The following UTRN variants were observed in gnomAD, a reference collection of about 807,000 sequenced individuals.
UTRN encodes dystrophin-related protein 1.
A neutral mutation model predicts 463.9 loss-of-function variants in UTRN; 283 were observed. The ratio of observed to expected loss-of-function variants is 0.61; its 90% CI spans 0.55 to 0.67. The LOEUF (loss-of-function observed/expected upper bound fraction) is 0.67, where lower values mean the gene tolerates loss of function less well. Ranked by LOEUF, UTRN falls within the 30% of genes least tolerant of loss-of-function variation. The pLI is 0.00. For missense variants in UTRN, 3,922 were observed against 4,084.3 expected, an observed-to-expected ratio of 0.96 and a Z score of 1.08; for synonymous variants, 1,442 against 1,431.5, an observed-to-expected ratio of 1.01 and a Z score of -0.17.
At chr6:144,635,516 TTTTTTTTTTTTTTCTTTTC>T (rs1314375407) in intron 51 of UTRN, among the ~76,000 whole-genome samples, 4,107 of 80,948 alleles carry the variant, frequency 0.051, 195 homozygotes, top group East Asian at 0.33. Flanking sequence ...TTTTTTTTCT[TTTTTTTTTTTTTTCTTTTC>T]TTTTTTTTTT....
At chr6:144,321,211 AACAC>A (rs3061624) in intron 2 of UTRN, among the ~76,000 whole-genome samples, 10 of 150,902 alleles carry the variant, frequency 6.6e-5, no homozygotes, top group South Asian at 2.1e-4. Context: ...ACTATTTACA[AACAC>A]ACACACACAC....
intron 55 of UTRN, 29 bp from the exon 56 acceptor site, chr6:144,751,777 A>G (rs1455895205): frequency 1.9e-6 from 3 of 1,575,944 alleles, no homozygotes; most frequent in African/African-American, 1.4e-5. Flanking sequence ...TTCGTTTCCA[A>G]TAATATATTT....
Position 144,487,648 on chromosome 6 carries a change from GTGA to G in UTRN, c.3924_3926del (p.Ser1308_Glu1309delinsArg). 6.2e-7 allele frequency: 1 copy of G among 1,613,062 alleles called. No individual in the cohort carries two copies. Among genetic ancestry groups the G allele is most frequent in the South Asian group, 1.1e-5 (1 of 90,912 alleles). ...GGGGGGATCCTGGATGATATAATCA[GTGA>G]GAAACTGGAGGCTTTCAACAGCCGA... On this transcript the variant is annotated inframe_deletion, in exon 29 of 75. Coordinates refer to ENST00000367545, the MANE Select transcript of UTRN (RefSeq NM_007124.3).
intron 41 of UTRN, among the ~76,000 whole-genome samples, chr6:144,524,337 C>G (rs1343935257): frequency 6.6e-6 from 1 of 151,980 alleles, no homozygotes. Flanking sequence ...TTTTAAACCC[C>G]TGTATTATAT....
chr6:144,706,528 A>G (rs1224148749), intron 53 of UTRN, among the ~76,000 whole-genome samples: 1 of 152,106 alleles, frequency 6.6e-6, no homozygotes, highest in African/African-American at 2.4e-5. Flanking sequence ...TTTTGAAAAA[A>G]AATCAATTCT....
chr6:144,342,105 A>G (rs1777179279), intron 2 of UTRN, among the ~76,000 whole-genome samples: 1 of 152,218 alleles, frequency 6.6e-6, no homozygotes, highest in Admixed American at 6.5e-5. Flanking sequence ...TTCGATAGCC[A>G]TTAAGGAAAT....
At chr6:144,718,062 T>C (rs1487705725) in intron 53 of UTRN, among the ~76,000 whole-genome samples, 3 of 152,306 alleles carry the variant, frequency 2.0e-5, no homozygotes, top group Admixed American at 2.0e-4. Context: ...ACCAAAGCTC[T>C]AGGTAAAATG....
chr6:144,708,500 A>G (rs1785320440), intron 53 of UTRN: 1 of 467,260 alleles, frequency 2.1e-6, no homozygotes, highest in African/African-American at 2.0e-5. Context: ...TCTAGGATCT[A>G]AGACACCAGA....
At chr6:144,421,395 A>G (rs1784815873) in intron 3 of UTRN, among the ~76,000 whole-genome samples, 1 of 152,130 alleles carries the variant, frequency 6.6e-6, no homozygotes, top group African/African-American at 2.4e-5. Flanking sequence ...TCTTTCTATA[A>G]AAGACAAATT....
intron 51 of UTRN, among the ~76,000 whole-genome samples, chr6:144,591,013 A>G (rs1291420101): frequency 6.6e-6 from 1 of 152,198 alleles, no homozygotes; most frequent in Non-Finnish European, 1.5e-5. Flanking sequence ...CACTATTGGT[A>G]GGATTATTCT....
intron 2 of UTRN, among the ~76,000 whole-genome samples, chr6:144,319,514 C>CA (rs1397598805): frequency 1.6e-4 from 24 of 152,336 alleles, no homozygotes; most frequent in Non-Finnish European, 2.8e-4. Flanking sequence ...CTGGTAGAAT[C>CA]TTATATACCA....
chr6:144,317,432 T>C (rs1407390080), intron 2 of UTRN, among the ~76,000 whole-genome samples: 2 of 152,060 alleles, frequency 1.3e-5, no homozygotes, highest in African/African-American at 4.8e-5. Flanking sequence ...TGAGATGGAG[T>C]CTTGCTCTTT....
At chr6:144,349,468 C>A (rs938360247) in intron 2 of UTRN, among the ~76,000 whole-genome samples, 2 of 152,140 alleles carry the variant, frequency 1.3e-5, no homozygotes, top group South Asian at 4.1e-4. Context: ...AGAGTGTGGT[C>A]AGGATTCATG....
chr6:144,430,883 C>T (rs1785765054), intron 9 of UTRN, among the ~76,000 whole-genome samples: 1 of 151,352 alleles, frequency 6.6e-6, no homozygotes, highest in African/African-American at 2.4e-5. Flanking sequence ...TAATATGTAC[C>T]CATCCTTTTA....
rs989429889 is a variant in UTRN at position 144,654,876 on chromosome 6, G to A, written c.7480-23530G>A. ...CTGCACCTGGTTGGCTAATTCAGAA[G>A]CAAATCAGCTGGTATTTCTCTTCCT... is the stretch of plus-strand genomic sequence containing the variant. On this transcript the variant is annotated intron_variant, in intron 51 of 74. Coordinates refer to ENST00000367545, the MANE Select transcript of UTRN (RefSeq NM_007124.3). Among the ~76,000 whole-genome samples, 8 of 152,318 alleles carry A rather than the reference G, an allele frequency of 5.3e-5. No individual in the cohort carries two copies. In the South Asian group the frequency reaches 1.2e-3, roughly 24 times the overall value.
In UTRN at chr6:144,429,697, A is replaced by G. The variant is rs755168021; in HGVS notation, c.811A>G (p.Arg271Gly). 3 of 1,612,458 alleles carry G rather than the reference A, an allele frequency of 1.9e-6. No individual in the cohort carries two copies. The highest frequency in any genetic ancestry group is 2.7e-5 in the African/African-American group (2 of 74,842). The change falls in exon 9 of 75, where the codon AGG becomes GGG. Residue 271 changes from arginine to glycine, a missense_variant. Arg to Gly is a moderately radical substitution (Grantham distance 125). Coordinates refer to ENST00000367545, the MANE Select transcript of UTRN (RefSeq NM_007124.3). The part of the protein sequence containing the change: ...DAIREVETLP[R>G]KYKKECEEEA... Reference sequence around the variant, plus strand: ...CATCCGTGAGGTAGAGACACTCCCAAGGAAATATAAAAAAGAATGTGAAGA... The same window carrying G: ...CATCCGTGAGGTAGAGACACTCCCAGGGAAATATAAAAAAGAATGTGAAGA...
intron 9 of UTRN, among the ~76,000 whole-genome samples, chr6:144,432,551 G>T (rs1785967364): frequency 1.3e-5 from 2 of 152,292 alleles, no homozygotes; most frequent in Non-Finnish European, 2.9e-5. Flanking sequence ...ACTGTGGATT[G>T]TGAAGGTGAG....
chr6:144,403,607 G>A (rs1331044902), intron 3 of UTRN, among the ~76,000 whole-genome samples: 1 of 152,176 alleles, frequency 6.6e-6, no homozygotes, highest in African/African-American at 2.4e-5. Flanking sequence ...TTTTATTCTT[G>A]TGGATGTGGC....
chr6:144,770,250 C>G lies in UTRN; in HGVS notation c.8496-1657C>G, dbSNP rs143730652. ...TTGCTAATATTTCCGGGATACGTAC[C>G]CAACTGCAAATACACACTTTAAATA... On this transcript the variant is annotated intron_variant, in intron 58 of 74. Coordinates refer to ENST00000367545, the MANE Select transcript of UTRN (RefSeq NM_007124.3). Among the ~76,000 whole-genome samples, 226 of 152,210 alleles carry G rather than the reference C, an allele frequency of 1.5e-3. 1 individual carries two copies. The highest frequency in any genetic ancestry group is 5.2e-3 in the African/African-American group (218 of 41,524).
Sources: allele counts gnomAD v4.1 joint callset (sites outside exome capture counted in the v4.1 genomes callset), GRCh38; gene constraint gnomAD v4.1.1; transcripts MANE v1.5; gene names NCBI Gene and HGNC (gene_info 2026-07-23, HGNC 2026-07-21).